Variants in SLC25A42 observed in about 807,000 individuals in gnomAD.
The protein encoded by SLC25A42 is mitochondrial coenzyme A transporter SLC25A42.
SLC25A42 carries 19 observed loss-of-function variants against 34.7 expected under a neutral mutation model. The ratio of observed to expected loss-of-function variants is 0.55; its 90% CI spans 0.38 to 0.80. The LOEUF (loss-of-function observed/expected upper bound fraction) is 0.80, where lower values mean the gene tolerates loss of function less well. Among genes scored for constraint, SLC25A42 ranks in the 30% least tolerant of loss-of-function variants. The probability of loss-of-function intolerance (pLI) is 0.00; values close to 1 mark genes in which losing one functional copy is unlikely to be tolerated. For synonymous variants in SLC25A42, 205 were observed against 191.2 expected (o/e 1.07, Z -0.59); for missense variants, 364 against 441.3 (o/e 0.82, Z 1.57).
In SLC25A42 at chr19:19,087,150, CT is replaced by C. The variant is rs1341630084; in HGVS notation, c.-34-8940del. Among the ~76,000 whole-genome samples, 3 of 152,248 alleles carry C rather than the reference CT, an allele frequency of 2.0e-5. No individual in the cohort carries two copies. In the South Asian group the frequency reaches 6.2e-4, roughly 32 times the overall value. ...TGCTCCTGGTAACTGCCATTTTACT[CT>C]ATTTCTATGTATTTGATTTTTTTTT... On this transcript the variant is annotated intron_variant, in intron 1 of 7. Transcript: ENST00000318596.
Position 19,107,970 on chromosome 19 carries a change from C to G in SLC25A42, c.574C>G (p.Pro192Ala), listed in dbSNP as rs144256360. The G allele has an allele frequency of 3.7e-6, 6 of 1,613,444 alleles. No individual in the cohort carries two copies. Among genetic ancestry groups the G allele is most frequent in the Non-Finnish European group, 5.1e-6 (6 of 1,179,748 alleles). The change falls in exon 7 of 8, where the codon CCC (proline) becomes GCC (alanine). Residue 192 changes from proline to alanine, a missense_variant. By Grantham distance (27) the Pro-to-Ala change is conservative. Coordinates refer to ENST00000318596, the MANE Select transcript of SLC25A42 (RefSeq NM_178526.5). ...GAAGACTCTCTACCATGGATTTATG[C>G]CCACCGTGCTGGGGGTCATTCCCTA... is the stretch of plus-strand genomic sequence containing the variant. Reference protein sequence around the residue: ...GLKTLYHGFMPTVLGVIPYAG... With the variant: ...GLKTLYHGFMATVLGVIPYAG...
At chr19:19,098,909 G>A (rs1364331918) in intron 2 of SLC25A42, among the ~76,000 whole-genome samples, 2 of 152,218 alleles carry the variant, frequency 1.3e-5, no homozygotes, top group African/African-American at 4.8e-5. Context: ...GGTGGACAGA[G>A]CAAGACTGTC....
At position 19,104,954 on chromosome 19, in the gene SLC25A42, A is replaced by T. The variant is rs752641902; in HGVS notation, c.213+16A>T. Reference sequence around the variant, plus strand: ...TTCTGCCAAGGTGAGCCACTATGTCACCGCCCCGGCCTGGGGACAGTCACC... The same window carrying T: ...TTCTGCCAAGGTGAGCCACTATGTCTCCGCCCCGGCCTGGGGACAGTCACC... On this transcript the variant is annotated intron_variant, in intron 4 of 7. Transcript: ENST00000318596. 6.2e-7 allele frequency: 1 copy of T among 1,613,962 alleles called. No individual in the cohort carries two copies. Among genetic ancestry groups the T allele is most frequent in the South Asian group, 1.1e-5 (1 of 91,066 alleles).
In SLC25A42 at chr19:19,108,140, G is replaced by A. The variant is rs878990696; in HGVS notation, c.649+95G>A. ...GGTCACATAGACCTGGAGACCAGGC[G>A]GAGTGGGGTACGACCCCTGGGTGGG... On this transcript the variant is annotated intron_variant, in intron 7 of 7. Coordinates refer to ENST00000318596, the MANE Select transcript of SLC25A42 (RefSeq NM_178526.5). 2.5e-5 allele frequency: 36 copies of A among 1,421,948 alleles called. 1 individual carries two copies. In the South Asian group the frequency reaches 3.0e-4, roughly 12 times the overall value. The allele number at this position is 1,421,948 out of a possible 1,614,324, so 88.1% of individuals were successfully genotyped here.
At chr19:19,066,632 T>A (rs189986122) in intron 1 of SLC25A42, among the ~76,000 whole-genome samples, 93 of 152,096 alleles carry the variant, frequency 6.1e-4, no homozygotes, top group Non-Finnish European at 1.1e-3. Flanking sequence ...CATATTTTTT[T>A]AGTAGAGACG....
At chr19:19,087,579 T>C (rs2059714543) in intron 1 of SLC25A42, among the ~76,000 whole-genome samples, 2 of 152,288 alleles carry the variant, frequency 1.3e-5, no homozygotes, top group South Asian at 4.1e-4. Flanking sequence ...TGAGCCACCG[T>C]GCCCAGCTGT....
At chr19:19,069,022 CT>C (rs2059616507) in intron 1 of SLC25A42, among the ~76,000 whole-genome samples, 1 of 73,514 alleles carries the variant, frequency 1.4e-5, no homozygotes, top group Non-Finnish European at 3.0e-5. Flanking sequence ...GAGGTTCTGT[CT>C]CTTTAAAAAA....
chr19:19,105,796 C>T (rs2059823693), intron 5 of SLC25A42, 69 bp downstream of exon 5: 27 of 1,327,712 alleles, frequency 2.0e-5, no homozygotes, highest in Non-Finnish European at 2.6e-5. Flanking sequence ...TTCTTCTGCA[C>T]GCCCCGCTCC....
intron 5 of SLC25A42, chr19:19,105,995 G>A: frequency 1.8e-6 from 1 of 555,556 alleles, no homozygotes. Context: ...AATCCCAGAG[G>A]GGCAGGTTAC....
rs2059863257 is a variant in SLC25A42 at position 19,111,189 on chromosome 19, C to A, written c.*313C>A. The A allele has an allele frequency of 9.2e-6, 4 of 434,324 alleles. No homozygotes were observed. The highest frequency in any genetic ancestry group is 1.7e-5 in the Non-Finnish European group (4 of 239,572). 26.9% of individuals were successfully genotyped at this position (434,324 alleles called of 1,614,324 possible). ...TAGTGGGGCGTGGTCAGCTCCACCTCCTGATCCTGTGTGTCCTCCGACATG... is the reference window on the plus strand; with the variant it reads ...TAGTGGGGCGTGGTCAGCTCCACCTACTGATCCTGTGTGTCCTCCGACATG... On this transcript the variant is annotated 3_prime_UTR_variant, in exon 8 of 8. Coordinates refer to ENST00000318596, the MANE Select transcript of SLC25A42 (RefSeq NM_178526.5).
At chr19:19,096,254 T>TGCGCCCCCCCCCCCCCCCCCCCCCCCC in intron 2 of SLC25A42, 49 bp downstream of exon 2, 1 of 1,456,750 alleles carries the variant, frequency 6.9e-7, no homozygotes. Flanking sequence ...GGCCCCAGCC[T>TGCGCCCCCCCCCCCCCCCCCCCCCCCC]CCCCACCCCC....
chr19:19,075,195 T>C lies in SLC25A42; in HGVS notation c.-35+11080T>C, dbSNP rs1202640466. 3.3e-5 allele frequency among the ~76,000 whole-genome samples: 5 copies of C among 152,032 alleles called. No individual in the cohort carries two copies. The South Asian group carries it at 8.3e-4, about 25-fold the overall frequency. On this transcript the variant is annotated intron_variant, in intron 1 of 7. Transcript: ENST00000318596. ...CTTGTCCTGCCCTCTCCCAAGCAAC[T>C]GTCAACTTGCTTGGAACCAGTGTTC...
At chr19:19,093,612 C>T (rs2059749321) in intron 1 of SLC25A42, among the ~76,000 whole-genome samples, 1 of 152,152 alleles carries the variant, frequency 6.6e-6, no homozygotes, top group Non-Finnish European at 1.5e-5. Context: ...TTTTGGTGAC[C>T]GTTACAGTTT....
intron 1 of SLC25A42, among the ~76,000 whole-genome samples, chr19:19,077,723 C>CCT (rs1318979126): frequency 6.6e-6 from 1 of 152,132 alleles, no homozygotes; most frequent in Non-Finnish European, 1.5e-5. Context: ...CCCCATCTTT[C>CCT]CTAAATACAA....
chr19:19,071,293 C>T (rs769170202), intron 1 of SLC25A42, among the ~76,000 whole-genome samples: 2 of 152,100 alleles, frequency 1.3e-5, no homozygotes, highest in Admixed American at 6.6e-5. Flanking sequence ...AGGTGTAAGC[C>T]GCCACGCCCA....
intron 2 of SLC25A42, among the ~76,000 whole-genome samples, chr19:19,096,570 C>T (rs1478224320): frequency 6.6e-6 from 1 of 152,062 alleles, no homozygotes; most frequent in East Asian, 1.9e-4. Flanking sequence ...CCAGTTCCAG[C>T]GTGGGGTGGG....
chr19:19,110,996 C>T lies in SLC25A42; in HGVS notation c.*120C>T, dbSNP rs950118227. ...GAGGCACATGGGGCGCTTTATGGAA[C>T]GAGCAGGTGGGCCTGAGGGGCCTGG... On this transcript the variant is annotated 3_prime_UTR_variant, in exon 8 of 8. Coordinates refer to ENST00000318596, the MANE Select transcript of SLC25A42 (RefSeq NM_178526.5). The T allele has an allele frequency of 1.7e-6, 2 of 1,167,258 alleles. No homozygotes were observed. Among genetic ancestry groups the T allele is most frequent in the Non-Finnish European group, 2.4e-6 (2 of 829,606 alleles). 72.3% of individuals were successfully genotyped at this position (1,167,258 alleles called of 1,614,324 possible). A position where few individuals can be genotyped will look rare whatever the true frequency, so the allele number is the denominator to read the frequency against.
chr19:19,078,159 A>G (rs1449520887), intron 1 of SLC25A42, among the ~76,000 whole-genome samples: 1 of 151,910 alleles, frequency 6.6e-6, no homozygotes, highest in Non-Finnish European at 1.5e-5. Context: ...GGCTGGAGGG[A>G]GAGGCCTCTA....
intron 3 of SLC25A42, 136 bp from the exon 4 acceptor site, chr19:19,104,777 C>T: frequency 1.0e-6 from 1 of 960,420 alleles, no homozygotes; most frequent in African/African-American, 1.8e-5. Flanking sequence ...TGGGTGTCAG[C>T]TCAGCTCCCA....
Sources: allele counts gnomAD v4.1 joint callset (sites outside exome capture counted in the v4.1 genomes callset), GRCh38; gene constraint gnomAD v4.1.1; transcripts MANE v1.5; gene names NCBI Gene and HGNC (gene_info 2026-07-23, HGNC 2026-07-21).